CDH4: variants seen among roughly 807,000 people sequenced by gnomAD.
CDH4 encodes cadherin-4.
A neutral mutation model predicts 86.0 loss-of-function variants in CDH4; 33 were observed. The ratio of observed to expected loss-of-function variants is 0.38; its 90% CI spans 0.29 to 0.51. The LOEUF is 0.51. CDH4 is among the 20% of genes least tolerant of loss of function. The pLI, the probability that CDH4 is intolerant of heterozygous loss-of-function variation, is 0.86. For missense variants in CDH4, 1,114 were observed against 1,307.4 expected (o/e 0.85, Z 2.28); for synonymous variants, 555 against 549.4 (o/e 1.01, Z -0.14).
At chr20:61,827,728 A>T (rs867611953) in intron 4 of CDH4, among the ~76,000 whole-genome samples, 79 of 152,362 alleles carry the variant, frequency 5.2e-4, no homozygotes, top group African/African-American at 1.9e-3. Flanking sequence ...AATTCTAGGT[A>T]GGAAATGTAC....
rs376582538 is a variant in CDH4, at chr20:61,652,934, A to T, written c.170-90629A>T. On this transcript the variant is annotated intron_variant, in intron 2 of 15. Coordinates refer to ENST00000614565, the MANE Select transcript of CDH4 (RefSeq NM_001794.5). ...AGTGTTTGAATTTATTTATTTATTT[A>T]TTTATTTTTTTTTTTTTTTTTATTG... Among the ~76,000 whole-genome samples, 744 of 102,186 alleles carry T rather than the reference A, an allele frequency of 7.3e-3. 16 individuals are homozygous for T. The highest frequency in any genetic ancestry group is 0.021 in the African/African-American group (642 of 30,124). 67.0% of individuals were successfully genotyped at this position (102,186 alleles called of 152,430 possible).
rs73915385 is a variant in CDH4 at position 61,753,329 on chromosome 20, G to C, written c.396+9540G>C. Among the ~76,000 whole-genome samples, 824 of 152,268 alleles carry C rather than the reference G, an allele frequency of 5.4e-3. 9 individuals are homozygous for C. Among genetic ancestry groups the C allele is most frequent in the African/African-American group, 0.019 (780 of 41,554 alleles). On this transcript the variant is annotated intron_variant, in intron 3 of 15. Coordinates refer to ENST00000614565, the MANE Select transcript of CDH4 (RefSeq NM_001794.5). ...TCCATTATTTTAGCGACTCTGGGGA[G>C]CTGGGTAAAACTGACAGCTTTACAG...
intron 2 of CDH4, among the ~76,000 whole-genome samples, chr20:61,535,791 G>A (rs13039948): frequency 1.3e-5 from 2 of 151,588 alleles, no homozygotes; most frequent in African/African-American, 2.4e-5. Context: ...CCCCTGAGCC[G>A]CCATGGGGAG....
chr20:61,734,534 C>T (rs540278193), intron 2 of CDH4, among the ~76,000 whole-genome samples: 3 of 152,360 alleles, frequency 2.0e-5, no homozygotes, highest in Admixed American at 6.5e-5. Flanking sequence ...CGGGGAGGGA[C>T]GGCCTTGGTT....
intron 2 of CDH4, among the ~76,000 whole-genome samples, chr20:61,326,493 A>C (rs2084537718): frequency 6.6e-6 from 1 of 152,244 alleles, no homozygotes; most frequent in South Asian, 2.1e-4. Flanking sequence ...CATCACCCTG[A>C]ATCTGTCACA....
rs543107704 is a variant in CDH4 at position 61,582,332 on chromosome 20, C to T, written c.170-161231C>T. On this transcript the variant is annotated intron_variant, in intron 2 of 15. Transcript: ENST00000614565. This position sits in a 1 kb window ranked among gnomAD's most constrained non-coding sequence, Gnocchi z 4.2. ...CAGGTGCCCTGCACGGATCCGCTCT[C>T]CTCCTTATTGTTCAAGCGCAGTGAA... 1.4e-5 allele frequency among the ~76,000 whole-genome samples: 2 copies of T among 147,912 alleles called. No homozygotes were observed. Among genetic ancestry groups the T allele is most frequent in the South Asian group, 4.1e-4 (2 of 4,828 alleles).
At chr20:61,746,387 T>C (rs1030099352) in intron 3 of CDH4, among the ~76,000 whole-genome samples, 2 of 152,222 alleles carry the variant, frequency 1.3e-5, no homozygotes, top group Non-Finnish European at 2.9e-5. Context: ...CCTGACTTTC[T>C]AGCACCCACT....
intron 2 of CDH4, among the ~76,000 whole-genome samples, chr20:61,280,951 T>G (rs1243523042): frequency 6.6e-6 from 1 of 152,212 alleles, no homozygotes; most frequent in Non-Finnish European, 1.5e-5. Flanking sequence ...GTGGCTTTGC[T>G]TTCTCTTTTT....
At chr20:61,665,334 C>T (rs191554201) in intron 2 of CDH4, among the ~76,000 whole-genome samples, 1 of 152,364 alleles carries the variant, frequency 6.6e-6, no homozygotes, top group Admixed American at 6.5e-5. Context: ...GGCCAGGGTG[C>T]TTAATGCTCA....
chr20:61,581,899 C>T (rs1398912886), intron 2 of CDH4, among the ~76,000 whole-genome samples: 1 of 152,214 alleles, frequency 6.6e-6, no homozygotes, highest in Non-Finnish European at 1.5e-5. Context: ...CTCCCGCCGT[C>T]TCCCCAGCCG....
At chr20:61,276,408 A>G (rs978571805) in intron 2 of CDH4, among the ~76,000 whole-genome samples, 5 of 152,178 alleles carry the variant, frequency 3.3e-5, no homozygotes, top group Non-Finnish European at 7.3e-5. Context: ...GTTAGACTCA[A>G]TGTAAGTAGC....
chr20:61,896,752 G>C lies in CDH4; in HGVS notation c.1188+1705G>C, dbSNP rs561741018. Among the ~76,000 whole-genome samples, 172 of 152,348 alleles carry C rather than the reference G, an allele frequency of 1.1e-3. 1 individual carries two copies. The highest frequency in any genetic ancestry group is 3.6e-3 in the Admixed American group (55 of 15,310). On this transcript the variant is annotated intron_variant, in intron 8 of 15. Coordinates refer to ENST00000614565, the MANE Select transcript of CDH4 (RefSeq NM_001794.5). Reference sequence around the variant, plus strand: ...ATGGTCAGGAAAAGCTCAGGGCCAGGCTGCCGGGGAGTCTGGACATAGGGG... The same window carrying C: ...ATGGTCAGGAAAAGCTCAGGGCCAGCCTGCCGGGGAGTCTGGACATAGGGG...
chr20:61,447,013 C>T (rs6061441), intron 2 of CDH4, among the ~76,000 whole-genome samples: 36,403 of 152,020 alleles, frequency 0.24, 4,935 homozygotes, highest in African/African-American at 0.37. Context: ...TTACGTTTTT[C>T]CCTCTGGAGT....
chr20:61,877,824 CAG>C (rs1204836103), intron 7 of CDH4, among the ~76,000 whole-genome samples: 1 of 152,190 alleles, frequency 6.6e-6, no homozygotes, highest in Non-Finnish European at 1.5e-5. Flanking sequence ...TTCAGGGGCT[CAG>C]GGGACGGTCA....
chr20:61,268,926 C>G (rs1259761946), intron 2 of CDH4, among the ~76,000 whole-genome samples: 1 of 152,206 alleles, frequency 6.6e-6, no homozygotes, highest in Non-Finnish European at 1.5e-5. Context: ...TGGGATATTA[C>G]CAAGGCTCTG....
intron 2 of CDH4, among the ~76,000 whole-genome samples, chr20:61,561,134 A>G (rs1321494029): frequency 6.6e-6 from 1 of 150,622 alleles, no homozygotes; most frequent in Non-Finnish European, 1.5e-5. Flanking sequence ...CACCACCCCC[A>G]AGACCTGGGT....
intron 7 of CDH4, among the ~76,000 whole-genome samples, chr20:61,875,066 G>A (rs555131639): frequency 1.8e-4 from 28 of 152,324 alleles, no homozygotes; most frequent in South Asian, 1.7e-3. Flanking sequence ...TTTTGGGGCC[G>A]GGACTGGCAA....
intron 2 of CDH4, among the ~76,000 whole-genome samples, chr20:61,303,800 G>A (rs2084398670): frequency 6.6e-6 from 1 of 152,246 alleles, no homozygotes; most frequent in South Asian, 2.1e-4. Flanking sequence ...AGGCACCAGT[G>A]GGAGGAGCCC....
chr20:61,326,473 A>G (rs999629623), intron 2 of CDH4, among the ~76,000 whole-genome samples: 1 of 152,384 alleles, frequency 6.6e-6, no homozygotes, highest in South Asian at 2.1e-4. Flanking sequence ...TAGTCAATCA[A>G]TGGTGCAAGC....
Sources: allele counts gnomAD v4.1 joint callset (sites outside exome capture counted in the v4.1 genomes callset), GRCh38; gene constraint gnomAD v4.1.1; non-coding constraint Gnocchi (gnomAD v3.1); transcripts MANE v1.5; gene names NCBI Gene and HGNC (gene_info 2026-07-23, HGNC 2026-07-21).